KCNB2: variants seen among roughly 807,000 people sequenced by gnomAD.
The protein encoded by KCNB2 is potassium voltage-gated channel subfamily B member 2.
A neutral mutation model predicts 61.5 loss-of-function variants in KCNB2; 15 were observed. The observed-to-expected ratio is 0.24, with a 90% CI of 0.16 to 0.38. The LOEUF (loss-of-function observed/expected upper bound fraction) is 0.38. Among genes scored for constraint, KCNB2 ranks in the 10% least tolerant of loss-of-function variants. The pLI is 1.00. For missense variants in KCNB2, 828 were observed against 1,125.2 expected, an observed-to-expected ratio of 0.74 and a Z score of 3.78; for synonymous variants, 457 against 446.0, an observed-to-expected ratio of 1.02 and a Z score of -0.31.
At chr8:72,682,279 A>AG (rs1381093707) in intron 2 of KCNB2, among the ~76,000 whole-genome samples, 4 of 152,132 alleles carry the variant, frequency 2.6e-5, no homozygotes, top group African/African-American at 9.7e-5. Flanking sequence ...GCTCAACATG[A>AG]CTTACTGGGT....
chr8:72,805,371 C>T (rs1425410483), intron 2 of KCNB2, among the ~76,000 whole-genome samples: 1 of 152,124 alleles, frequency 6.6e-6, no homozygotes, highest in African/African-American at 2.4e-5. Context: ...AATCAGACAA[C>T]CACAAAAAAG....
At chr8:72,697,350 T>C (rs1335195063) in intron 2 of KCNB2, among the ~76,000 whole-genome samples, 1 of 152,276 alleles carries the variant, frequency 6.6e-6, no homozygotes, top group Non-Finnish European at 1.5e-5. Context: ...TTAATATTTC[T>C]ACTTTTACCT....
intron 2 of KCNB2, among the ~76,000 whole-genome samples, chr8:72,578,999 A>C (rs1563528700): frequency 6.6e-6 from 1 of 152,192 alleles, no homozygotes; most frequent in Non-Finnish European, 1.5e-5. Flanking sequence ...AAGGCACCAT[A>C]TTGCCACCAA....
At chr8:72,606,571 G>A (rs578055156) in intron 2 of KCNB2, among the ~76,000 whole-genome samples, 1 of 152,136 alleles carries the variant, frequency 6.6e-6, no homozygotes. Flanking sequence ...CAGCCTGGAG[G>A]CATTAGAGAG....
intron 2 of KCNB2, among the ~76,000 whole-genome samples, chr8:72,900,664 A>G (rs1806073276): frequency 6.6e-6 from 1 of 152,172 alleles, no homozygotes; most frequent in African/African-American, 2.4e-5. Flanking sequence ...AAAAACAAAT[A>G]GCCCATAAAA....
intron 2 of KCNB2, among the ~76,000 whole-genome samples, chr8:72,914,281 C>T (rs954872612): frequency 6.6e-6 from 1 of 152,140 alleles, no homozygotes; most frequent in Non-Finnish European, 1.5e-5. Context: ...ATGATTGCAA[C>T]ATATGAATTT....
rs149823933 is a variant in KCNB2 at position 72,783,626 on chromosome 8, T to C, written c.580-152309T>C. Among the ~76,000 whole-genome samples the C allele has an allele frequency of 1.7e-3, 260 of 152,268 alleles. 1 individual carries two copies. Among genetic ancestry groups the C allele is most frequent in the Non-Finnish European group, 1.5e-3 (99 of 68,010 alleles). ...CTTCATCTCTATCCCATTAACTGTTTTGTCTTCTTCACAGAATCCATCACT... is the reference window on the plus strand; with the variant it reads ...CTTCATCTCTATCCCATTAACTGTTCTGTCTTCTTCACAGAATCCATCACT... On this transcript the variant is annotated intron_variant, in intron 2 of 2. Coordinates refer to ENST00000523207, the MANE Select transcript of KCNB2 (RefSeq NM_004770.3).
intron 2 of KCNB2, among the ~76,000 whole-genome samples, chr8:72,697,413 A>T (rs1158659242): frequency 6.6e-6 from 1 of 152,190 alleles, no homozygotes; most frequent in Non-Finnish European, 1.5e-5. Flanking sequence ...AATGCTGCTC[A>T]CATGCTATTC....
chr8:72,817,509 T>G (rs1809420850), intron 2 of KCNB2, among the ~76,000 whole-genome samples: 1 of 152,002 alleles, frequency 6.6e-6, no homozygotes, highest in Non-Finnish European at 1.5e-5. Flanking sequence ...GTGTGAAGAG[T>G]TTTTGCTCTT....
At chr8:72,738,554 G>A (rs1346866309) in intron 2 of KCNB2, among the ~76,000 whole-genome samples, 2 of 152,164 alleles carry the variant, frequency 1.3e-5, no homozygotes, top group South Asian at 2.1e-4. Flanking sequence ...GCCAGCCCCG[G>A]CTATGTGTCA....
intron 2 of KCNB2, among the ~76,000 whole-genome samples, chr8:72,717,782 G>C (rs1167220949): frequency 6.6e-6 from 1 of 152,142 alleles, no homozygotes; most frequent in Non-Finnish European, 1.5e-5. Context: ...AACACCAAAA[G>C]CAATGGCAAC....
chr8:72,606,980 G>T (rs1334572764), intron 2 of KCNB2, among the ~76,000 whole-genome samples: 1 of 152,172 alleles, frequency 6.6e-6, no homozygotes, highest in Admixed American at 6.5e-5. Flanking sequence ...CTGAAGTCAG[G>T]ATCTATGGCC....
At chr8:72,566,439 C>A (rs755562516) in intron 1 of KCNB2, among the ~76,000 whole-genome samples, 6 of 152,020 alleles carry the variant, frequency 3.9e-5, no homozygotes, top group Non-Finnish European at 5.9e-5. Context: ...GTGGCTCATG[C>A]CTGTAATCCC....
chr8:72,905,211 C>A (rs373855475), intron 2 of KCNB2, among the ~76,000 whole-genome samples: 2 of 152,164 alleles, frequency 1.3e-5, no homozygotes, highest in East Asian at 3.9e-4. Context: ...TAAAGCTCAC[C>A]GCAGACTGAG....
chr8:72,562,402 T>A (rs1467444060), intron 1 of KCNB2, among the ~76,000 whole-genome samples: 1 of 152,134 alleles, frequency 6.6e-6, no homozygotes, highest in African/African-American at 2.4e-5. Context: ...AGAAGCAGGG[T>A]GCAGCCGTGC....
chr8:72,871,741 GGCTT>G (rs1035154236), intron 2 of KCNB2, among the ~76,000 whole-genome samples: 2 of 152,072 alleles, frequency 1.3e-5, no homozygotes, highest in Non-Finnish European at 2.9e-5. Context: ...AATTAAAAAG[GGCTT>G]TCAAGGTATA....
chr8:72,645,606 G>A (rs1470300924), intron 2 of KCNB2, among the ~76,000 whole-genome samples: 1 of 152,104 alleles, frequency 6.6e-6, no homozygotes, highest in Non-Finnish European at 1.5e-5. Context: ...CTTATGGGTG[G>A]CTGTGTTCTT....
chr8:72,612,676 A>G (rs2128983500), intron 2 of KCNB2, among the ~76,000 whole-genome samples: 1 of 152,318 alleles, frequency 6.6e-6, no homozygotes, highest in South Asian at 2.1e-4. Flanking sequence ...AACAAGATGA[A>G]CAGAAACAGT....
intron 2 of KCNB2, among the ~76,000 whole-genome samples, chr8:72,930,446 T>C: frequency 6.6e-6 from 1 of 152,116 alleles, no homozygotes; most frequent in African/African-American, 2.4e-5. Flanking sequence ...TTTCTCCACA[T>C]CCTCTCCAGC....
Sources: allele counts gnomAD v4.1 joint callset (sites outside exome capture counted in the v4.1 genomes callset), GRCh38; gene constraint gnomAD v4.1.1; transcripts MANE v1.5; gene names NCBI Gene and HGNC (gene_info 2026-07-23, HGNC 2026-07-21).